SUSD4: variants seen among roughly 807,000 people sequenced by gnomAD.
SUSD4 encodes the protein sushi domain containing 4.
A neutral mutation model predicts 50.5 loss-of-function variants in SUSD4; 41 were observed. The observed-to-expected ratio is 0.81, with a 90% CI of 0.63 to 1.05. SUSD4 has a LOEUF of 1.05. Among genes scored for constraint, SUSD4 ranks in the 50% least tolerant of loss-of-function variants. SUSD4 has a pLI of 0.00. For missense variants in SUSD4, 580 were observed against 634.7 expected, an observed-to-expected ratio of 0.91 and a Z score of 0.93; for synonymous variants, 257 against 257.3, an observed-to-expected ratio of 1.00 and a Z score of 0.01.
At chr1:223,355,570 C>G (rs538655481) in intron 2 of SUSD4, among the ~76,000 whole-genome samples, 14 of 152,266 alleles carry the variant, frequency 9.2e-5, no homozygotes, top group African/African-American at 3.4e-4. Context: ...TCACCCAATT[C>G]AACCACATAT....
intron 2 of SUSD4, among the ~76,000 whole-genome samples, chr1:223,330,779 T>C (rs1302998165): frequency 6.6e-6 from 1 of 152,212 alleles, no homozygotes; most frequent in Non-Finnish European, 1.5e-5. Context: ...TTTAGTTCCA[T>C]GGCACTATTC....
intron 5 of SUSD4, chr1:223,264,413 T>C (rs1662334545): frequency 7.8e-7 from 1 of 1,278,650 alleles, no homozygotes; most frequent in South Asian, 3.0e-5. Flanking sequence ...TTTTATCTGC[T>C]CTCCTCTTTA....
intron 3 of SUSD4, among the ~76,000 whole-genome samples, chr1:223,276,984 C>A (rs1410108987): frequency 6.6e-6 from 1 of 152,204 alleles, no homozygotes; most frequent in East Asian, 1.9e-4. Context: ...GAAGACAGCT[C>A]ACTTAACATA....
chr1:223,292,692 T>A (rs1664575696), intron 2 of SUSD4, 41 bp from the exon 3 acceptor site: 1 of 1,601,512 alleles, frequency 6.2e-7, no homozygotes, highest in Non-Finnish European at 8.5e-7. Flanking sequence ...ATGAATATGT[T>A]CTCTCAATGC....
intron 2 of SUSD4, among the ~76,000 whole-genome samples, chr1:223,349,469 C>G (rs1394709828): frequency 6.6e-6 from 1 of 152,114 alleles, no homozygotes; most frequent in African/African-American, 2.4e-5. Context: ...TAGATTAGAG[C>G]AAATGTTATG....
At chr1:223,324,788 A>G (rs1339755820) in intron 2 of SUSD4, among the ~76,000 whole-genome samples, 1 of 151,894 alleles carries the variant, frequency 6.6e-6, no homozygotes, top group South Asian at 2.1e-4. Context: ...AGGTCCCTTC[A>G]TGAATGAGGA....
At chr1:223,339,759 C>T (rs533573005) in intron 2 of SUSD4, among the ~76,000 whole-genome samples, 1 of 152,356 alleles carries the variant, frequency 6.6e-6, no homozygotes, top group East Asian at 1.9e-4. Flanking sequence ...TCAGACACCA[C>T]TAACTCAACA....
intron 2 of SUSD4, among the ~76,000 whole-genome samples, chr1:223,351,497 G>A (rs1464362514): frequency 6.6e-6 from 1 of 152,198 alleles, no homozygotes; most frequent in Non-Finnish European, 1.5e-5. Flanking sequence ...TGCTCTGGGA[G>A]TTCTGAGAAC....
At chr1:223,270,898 A>G (rs1255249415) in intron 3 of SUSD4, among the ~76,000 whole-genome samples, 1 of 152,214 alleles carries the variant, frequency 6.6e-6, no homozygotes, top group Non-Finnish European at 1.5e-5. Flanking sequence ...TTTAACAAAC[A>G]GTTTTCCTGC....
rs539103439 is a variant in SUSD4, at chr1:223,240,212, TA to T, written c.725-10825del. On this transcript the variant is annotated intron_variant, in intron 5 of 8. Transcript: ENST00000366878. ...TCCTTGGCTTCTTTCAGAATTTTTT[TA>T]TTTTTGATTTTTCTGTAATTTGAAA... 2.6e-3 allele frequency among the ~76,000 whole-genome samples: 402 copies of T among 152,256 alleles called. 2 individuals carry two copies. The highest frequency in any genetic ancestry group is 9.2e-3 in the African/African-American group (384 of 41,574).
At chr1:223,244,228 A>T (rs561248646) in intron 5 of SUSD4, among the ~76,000 whole-genome samples, 1 of 152,242 alleles carries the variant, frequency 6.6e-6, no homozygotes, top group Non-Finnish European at 1.5e-5. Flanking sequence ...GATCCAAAGC[A>T]TATGCTGGTA....
At chr1:223,239,191 T>C (rs1274333790) in intron 5 of SUSD4, among the ~76,000 whole-genome samples, 1 of 152,064 alleles carries the variant, frequency 6.6e-6, no homozygotes, top group African/African-American at 2.4e-5. Flanking sequence ...GGGTACATTT[T>C]TTTCCATATA....
At chr1:223,347,360 A>C (rs948621113) in intron 2 of SUSD4, among the ~76,000 whole-genome samples, 3 of 151,794 alleles carry the variant, frequency 2.0e-5, no homozygotes, top group Non-Finnish European at 4.4e-5. Context: ...CTCCTACCCT[A>C]CCCCGCCTCC....
At position 223,354,354 on chromosome 1, in the gene SUSD4, A is replaced by G. The variant is rs117627466; in HGVS notation, c.148+8924T>C. ...TCCTCAGCCTCCAAAAAAAAAAAAA[A>G]GAACACCTCGCATCCACAAAGCAAT... On this transcript the variant is annotated intron_variant, in intron 2 of 8. Transcript: ENST00000366878. Among the ~76,000 whole-genome samples the G allele has an allele frequency of 6.5e-3, 989 of 152,024 alleles. 26 individuals are homozygous for G. The East Asian group carries it at 0.085, about 13-fold the overall frequency.
chr1:223,361,087 C>A (rs1455443837), intron 2 of SUSD4, among the ~76,000 whole-genome samples: 3 of 152,172 alleles, frequency 2.0e-5, no homozygotes, highest in East Asian at 3.8e-4. Flanking sequence ...AATCAGCATC[C>A]ACCTTTTAAC....
At chr1:223,321,090 G>A (rs1666544355) in intron 2 of SUSD4, among the ~76,000 whole-genome samples, 1 of 152,138 alleles carries the variant, frequency 6.6e-6, no homozygotes, top group South Asian at 2.1e-4. Flanking sequence ...TTCAGTGACA[G>A]CCCGCTTCTC....
chr1:223,228,572 G>T (rs1336440805), intron 6 of SUSD4, among the ~76,000 whole-genome samples: 1 of 152,218 alleles, frequency 6.6e-6, no homozygotes, highest in Non-Finnish European at 1.5e-5. Context: ...GTGCACTGAG[G>T]CCAGTGGGGA....
At chr1:223,364,429 C>T (rs1446415680), upstream of SUSD4, among the ~76,000 whole-genome samples, 5 of 147,882 alleles carry the variant, frequency 3.4e-5, no homozygotes, top group African/African-American at 4.9e-5. The surrounding 1 kb of genome is among the most constrained non-coding windows in gnomAD (Gnocchi z 4.5). Flanking sequence ...TCTGCCAACC[C>T]AGCCGGCGCC....
intron 2 of SUSD4, among the ~76,000 whole-genome samples, chr1:223,322,101 G>T (rs1448010214): frequency 2.0e-5 from 3 of 151,922 alleles, no homozygotes; most frequent in African/African-American, 7.3e-5. Flanking sequence ...TCGGATTTCC[G>T]GATTGGAGAT....
Sources: gnomAD v4.1 joint callset for allele counts (sites outside exome capture counted in the v4.1 genomes callset) on GRCh38, gnomAD v4.1.1 for gene constraint, Gnocchi (gnomAD v3.1) non-coding constraint, MANE v1.5 for transcripts, NCBI Gene and HGNC (gene_info 2026-07-23, HGNC 2026-07-21) for gene names.